The following AGTPBP1 variants were observed in gnomAD, a reference collection of about 807,000 sequenced individuals.
The protein encoded by AGTPBP1 is cytosolic carboxypeptidase 1.
AGTPBP1 carries 70 observed loss-of-function variants against 143.9 expected under a neutral mutation model. The ratio of observed to expected loss-of-function variants is 0.49; its 90% CI spans 0.40 to 0.59. The LOEUF is 0.59. Ranked by LOEUF, AGTPBP1 falls within the 20% of genes least tolerant of loss-of-function variation. The probability of loss-of-function intolerance (pLI) is 0.00; values close to 1 mark genes in which losing one functional copy is unlikely to be tolerated. For synonymous variants in AGTPBP1, 463 were observed against 500.2 expected (o/e 0.93, Z 0.99); for missense variants, 1,229 against 1,464.5 (o/e 0.84, Z 2.62).
At chr9:85,665,656 G>C (rs1324207282) in intron 8 of AGTPBP1, among the ~76,000 whole-genome samples, 2 of 152,088 alleles carry the variant, frequency 1.3e-5, no homozygotes, top group African/African-American at 4.8e-5. Flanking sequence ...GTTTACAACT[G>C]TTTAAACCAA....
intron 13 of AGTPBP1, among the ~76,000 whole-genome samples, chr9:85,640,338 A>G (rs1236201156): frequency 6.6e-6 from 1 of 152,238 alleles, no homozygotes; most frequent in Non-Finnish European, 1.5e-5. Context: ...TTACCTTAGA[A>G]ATAATTTTCT....
intron 17 of AGTPBP1, among the ~76,000 whole-genome samples, chr9:85,606,062 A>G (rs566023733): frequency 6.6e-6 from 1 of 152,066 alleles, no homozygotes; most frequent in African/African-American, 2.4e-5. Context: ...CAATGAATGT[A>G]ACTTGACCAA....
At position 85,706,423 on chromosome 9, in the gene AGTPBP1, T is replaced by C. The variant is rs145871452; in HGVS notation, c.32+6079A>G. 9.9e-3 allele frequency among the ~76,000 whole-genome samples: 1,486 copies of C among 150,348 alleles called. 30 individuals are homozygous for C. Among genetic ancestry groups the C allele is most frequent in the African/African-American group, 0.033 (1,358 of 40,766 alleles). ...CTACTCAGGAAGCTGAGGCAGAGAATTGCTTGAACCCGGGAAGCGGAAGTT... is the reference window on the plus strand; with the variant it reads ...CTACTCAGGAAGCTGAGGCAGAGAACTGCTTGAACCCGGGAAGCGGAAGTT... On this transcript the variant is annotated intron_variant, in intron 2 of 25. Transcript: ENST00000357081.
At chr9:85,741,611 A>C in intron 1 of AGTPBP1, 164 bp downstream of exon 1, 1 of 985,326 alleles carries the variant, frequency 1.0e-6, no homozygotes, top group Non-Finnish European at 1.2e-6. Flanking sequence ...CGTTCCCCTC[A>C]CGCGTCACAT....
intron 25 of AGTPBP1, among the ~76,000 whole-genome samples, chr9:85,567,806 A>C (rs1354847985): frequency 6.6e-6 from 1 of 152,208 alleles, no homozygotes; most frequent in African/African-American, 2.4e-5. Context: ...GAACAGACTG[A>C]GAAATTCCAA....
chr9:85,698,558 C>T (rs1423276561), intron 2 of AGTPBP1, among the ~76,000 whole-genome samples: 2 of 150,186 alleles, frequency 1.3e-5, no homozygotes, highest in Non-Finnish European at 2.9e-5. Flanking sequence ...AATCTGAGGG[C>T]GGTGGGATGC....
At chr9:85,585,787 T>C (rs916319028) in intron 22 of AGTPBP1, among the ~76,000 whole-genome samples, 193 bp from the exon 23 acceptor site, 1 of 152,252 alleles carries the variant, frequency 6.6e-6, no homozygotes, top group African/African-American at 2.4e-5. Flanking sequence ...TAATTAATTC[T>C]AGAATTGCCA....
intron 17 of AGTPBP1, among the ~76,000 whole-genome samples, chr9:85,616,898 A>T (rs1340892484): frequency 6.6e-6 from 1 of 152,058 alleles, no homozygotes; most frequent in Non-Finnish European, 1.5e-5. Context: ...AAATCAATAT[A>T]CTTGCTGAAC....
rs1587617800 is a variant in AGTPBP1, at chr9:85,556,792, T to G, written c.3504-9506A>C. The stretch of plus-strand genomic sequence containing the variant: ...TGAAGCAAAAGTTCTACACATCTAC[T>G]ATAATAATACATAAAGCAAAAATTG... On this transcript the variant is annotated intron_variant, in intron 25 of 25. Coordinates refer to ENST00000357081, the MANE Select transcript of AGTPBP1 (RefSeq NM_001330701.2). 2.0e-5 allele frequency among the ~76,000 whole-genome samples: 3 copies of G among 152,278 alleles called. No individual in the cohort carries two copies. The South Asian group carries it at 6.2e-4, about 32-fold the overall frequency.
chr9:85,682,995 A>C (rs909475115), intron 3 of AGTPBP1, among the ~76,000 whole-genome samples: 1 of 152,226 alleles, frequency 6.6e-6, no homozygotes, highest in African/African-American at 2.4e-5. Context: ...TATTTATCTT[A>C]AAACAACAAT....
At chr9:85,778,241 C>T in the AGTPBP1 span, among the ~76,000 whole-genome samples, 1 of 152,194 alleles carries the variant, frequency 6.6e-6, no homozygotes, top group South Asian at 2.1e-4. Context: ...GCACCCAGTT[C>T]ATGATAGGCA....
chr9:85,572,000 GTGTGTTTTTTTTTTTTTTTTTTTTT>G (rs1827502062), intron 25 of AGTPBP1, among the ~76,000 whole-genome samples: 2 of 78,304 alleles, frequency 2.6e-5, no homozygotes, highest in Non-Finnish European at 5.0e-5. Context: ...AGTTGTTTGT[GTGTGTTTTTTTTTTTTTTTTTTTTT>G]TTTTTTTTTT....
At chr9:85,775,083 G>A in the AGTPBP1 span, among the ~76,000 whole-genome samples, 1 of 151,982 alleles carries the variant, frequency 6.6e-6, no homozygotes, top group Non-Finnish European at 1.5e-5. Context: ...CAAGAGGATT[G>A]CTTGAGCCCA....
At chr9:85,778,114 T>C in the AGTPBP1 span, among the ~76,000 whole-genome samples, 2 of 152,192 alleles carry the variant, frequency 1.3e-5, no homozygotes, top group African/African-American at 4.8e-5. Flanking sequence ...TTGTGCCACT[T>C]TCTCATGTAA....
the AGTPBP1 span, among the ~76,000 whole-genome samples, chr9:85,788,438 C>A: frequency 6.7e-6 from 1 of 148,880 alleles, no homozygotes. Flanking sequence ...TGTACCTATA[C>A]AAGTATATAA....
intron 13 of AGTPBP1, among the ~76,000 whole-genome samples, chr9:85,634,794 C>T (rs60292661): frequency 6.6e-6 from 1 of 152,232 alleles, no homozygotes; most frequent in South Asian, 2.1e-4. Flanking sequence ...TGAAATGGAA[C>T]TGCAGAATCA....
At chr9:85,652,912 T>C (rs772943680) in intron 11 of AGTPBP1, among the ~76,000 whole-genome samples, 20 of 152,130 alleles carry the variant, frequency 1.3e-4, no homozygotes, top group African/African-American at 2.7e-4. Flanking sequence ...AGTGTCAGAA[T>C]TGAACTGAAT....
rs190654232 is a variant in AGTPBP1 at position 85,736,679 on chromosome 9, C to T, written c.-34+5096G>A. 1.3e-4 allele frequency among the ~76,000 whole-genome samples: 20 copies of T among 152,226 alleles called. No homozygotes were observed. In the East Asian group the frequency reaches 3.9e-3, roughly 29 times the overall value. On this transcript the variant is annotated intron_variant, in intron 1 of 25. Coordinates refer to ENST00000357081, the MANE Select transcript of AGTPBP1 (RefSeq NM_001330701.2). ...ATCCAGAAGTTCTAAAAGCACGGTG[C>T]GTGGGCCCCTGTGGTCCTGACACTC...
chr9:85,583,477 G>C (rs937424856), intron 23 of AGTPBP1, among the ~76,000 whole-genome samples: 1 of 152,092 alleles, frequency 6.6e-6, no homozygotes, highest in Non-Finnish European at 1.5e-5. Flanking sequence ...TACTGGTGAG[G>C]GGAGGTGTGT....
Sources: gnomAD v4.1 joint callset for allele counts (sites outside exome capture counted in the v4.1 genomes callset) on GRCh38, gnomAD v4.1.1 for gene constraint, MANE v1.5 for transcripts, NCBI Gene and HGNC (gene_info 2026-07-23, HGNC 2026-07-21) for gene names.